Variants in SNTG1 observed in about 807,000 individuals in gnomAD.
SNTG1 encodes the protein gamma-1-syntrophin.
SNTG1 carries 39 observed loss-of-function variants against 74.7 expected under a neutral mutation model. The observed-to-expected ratio is 0.52, with a 90% CI of 0.40 to 0.68. SNTG1 has a LOEUF of 0.68. Among genes scored for constraint, SNTG1 ranks in the 30% least tolerant of loss-of-function variants. The pLI, the probability that SNTG1 is intolerant of heterozygous loss-of-function variation, is 0.00. For synonymous variants in SNTG1, 254 were observed against 217.1 expected, an observed-to-expected ratio of 1.17 and a Z score of -1.49; for missense variants, 685 against 609.5, an observed-to-expected ratio of 1.12 and a Z score of -1.30.
rs371835016 is a variant in SNTG1 at position 50,204,156 on chromosome 8, T to A, written c.-28+31521T>A. On this transcript the variant is annotated intron_variant, in intron 2 of 18. Coordinates refer to ENST00000642720, the MANE Select transcript of SNTG1 (RefSeq NM_018967.5). ...CCTCAAGTTTTGGTGGCTAAGAGAC[T>A]AGCCATCTACCTTACAGCCCTCCGA... is the stretch of plus-strand genomic sequence containing the variant. 1.1e-4 allele frequency among the ~76,000 whole-genome samples: 17 copies of A among 152,270 alleles called. No homozygotes were observed. In the East Asian group the frequency reaches 1.7e-3, roughly 16 times the overall value.
chr8:50,331,968 A>T (rs1007335406), intron 2 of SNTG1, among the ~76,000 whole-genome samples: 3 of 152,180 alleles, frequency 2.0e-5, no homozygotes, highest in African/African-American at 7.2e-5. Flanking sequence ...CAGATGGCAA[A>T]TTTTTGTTTT....
chr8:50,779,871 T>C (rs376962125), intron 18 of SNTG1, among the ~76,000 whole-genome samples: 2 of 151,608 alleles, frequency 1.3e-5, no homozygotes, highest in African/African-American at 4.9e-5. Context: ...TTTTGAGATA[T>C]GTCCCATCAA....
intron 15 of SNTG1, among the ~76,000 whole-genome samples, chr8:50,682,070 C>T (rs573498850): frequency 1.1e-3 from 174 of 152,204 alleles, no homozygotes; most frequent in South Asian, 2.3e-3. Flanking sequence ...TTCCTTGGTA[C>T]CAAAAAGAAG....
rs1267072415 is a variant in SNTG1, at chr8:49,938,567, C to CTT, written c.-103+26339_-103+26340dup. Reference sequence around the variant, plus strand: ...GCCTTCTTTTCTTTTGTTTTCTTTTCTTTTCTTTTCTTTTCTTTTCTTTTC... The same window carrying CTT: ...GCCTTCTTTTCTTTTGTTTTCTTTTCTTTTTTCTTTTCTTTTCTTTTCTTTTC... On this transcript the variant is annotated intron_variant, in intron 1 of 18. Transcript: ENST00000642720. 4.2e-4 allele frequency among the ~76,000 whole-genome samples: 12 copies of CTT among 28,884 alleles called. No homozygotes were observed. In the South Asian group the frequency reaches 0.029, roughly 70 times the overall value. The allele number at this position is 28,884 out of a possible 152,430, so 18.9% of individuals were successfully genotyped here.
chr8:50,216,029 G>A (rs1359883719), intron 2 of SNTG1, among the ~76,000 whole-genome samples: 1 of 152,070 alleles, frequency 6.6e-6, no homozygotes, highest in Non-Finnish European at 1.5e-5. Context: ...TCTCACTCAG[G>A]AGCATGGCTC....
At chr8:49,912,566 T>C (rs1221939357) in intron 1 of SNTG1, among the ~76,000 whole-genome samples, 1 of 152,234 alleles carries the variant, frequency 6.6e-6, no homozygotes, top group Non-Finnish European at 1.5e-5. Flanking sequence ...CCATAAAAAG[T>C]GATCCTGTCT....
chr8:50,161,081 C>T (rs2082400349), intron 1 of SNTG1, among the ~76,000 whole-genome samples: 1 of 152,106 alleles, frequency 6.6e-6, no homozygotes, highest in African/African-American at 2.4e-5. Context: ...TCATTAAGGA[C>T]AGTGAATATT....
chr8:50,523,154 A>C (rs2094193840), intron 9 of SNTG1, among the ~76,000 whole-genome samples: 1 of 152,108 alleles, frequency 6.6e-6, no homozygotes, highest in African/African-American at 2.4e-5. Context: ...TATAGAATTG[A>C]AGAGAGTTAG....
intron 18 of SNTG1, among the ~76,000 whole-genome samples, chr8:50,787,942 T>C (rs1206567196): frequency 6.6e-6 from 1 of 152,030 alleles, no homozygotes; most frequent in African/African-American, 2.4e-5. Context: ...CTGTGAATAT[T>C]CTAAAATCCG....
At chr8:50,317,054 G>A (rs1362059844) in intron 2 of SNTG1, among the ~76,000 whole-genome samples, 1 of 152,174 alleles carries the variant, frequency 6.6e-6, no homozygotes, top group Admixed American at 6.5e-5. Context: ...TGAAGCCCAA[G>A]ATAAATGGGG....
chr8:50,030,640 A>G (rs1817664362), intron 1 of SNTG1, among the ~76,000 whole-genome samples: 1 of 152,018 alleles, frequency 6.6e-6, no homozygotes, highest in Non-Finnish European at 1.5e-5. Context: ...CTCTCTTGCT[A>G]GGCATTAGAT....
At chr8:50,665,720 A>G (rs1316519905) in intron 15 of SNTG1, among the ~76,000 whole-genome samples, 1 of 152,134 alleles carries the variant, frequency 6.6e-6, no homozygotes, top group Non-Finnish European at 1.5e-5. Context: ...CTATTGGGCA[A>G]ATTCGGGACA....
chr8:50,179,229 G>A (rs4873418), intron 2 of SNTG1, among the ~76,000 whole-genome samples: 44,980 of 151,928 alleles, frequency 0.3, 6,753 homozygotes, highest in South Asian at 0.43. Context: ...GTAATTTGAA[G>A]TCAGGAAATA....
chr8:50,123,826 G>T (rs532030739), intron 1 of SNTG1, among the ~76,000 whole-genome samples: 1 of 142,526 alleles, frequency 7.0e-6, no homozygotes, highest in Admixed American at 7.2e-5. Flanking sequence ...ACACATCTTT[G>T]CTTTCTTAAG....
At chr8:50,634,757 T>C (rs1046010903) in intron 13 of SNTG1, among the ~76,000 whole-genome samples, 3 of 152,206 alleles carry the variant, frequency 2.0e-5, no homozygotes, top group African/African-American at 7.2e-5. Context: ...TTTAGGCTCA[T>C]ATATCCACCA....
intron 4 of SNTG1, among the ~76,000 whole-genome samples, chr8:50,413,928 T>G (rs771909109): frequency 1.7e-4 from 26 of 152,220 alleles, no homozygotes; most frequent in Non-Finnish European, 3.4e-4. Flanking sequence ...TATTTTATAT[T>G]TGCCTCATAG....
At chr8:50,707,713 C>CTCTT (rs138864247) in intron 16 of SNTG1, among the ~76,000 whole-genome samples, 50,734 of 151,664 alleles carry the variant, frequency 0.33, 10,995 homozygotes, top group African/African-American at 0.62. Context: ...CTCTCTTTGT[C>CTCTT]TCTATTTCTC....
intron 1 of SNTG1, among the ~76,000 whole-genome samples, chr8:50,036,487 C>T (rs1014930806): frequency 3.9e-5 from 6 of 152,124 alleles, no homozygotes; most frequent in East Asian, 1.9e-4. Flanking sequence ...AATAAGTTAT[C>T]CTCAGAAATA....
At chr8:50,690,929 C>T (rs996649925) in intron 15 of SNTG1, among the ~76,000 whole-genome samples, 15 of 152,130 alleles carry the variant, frequency 9.9e-5, no homozygotes, top group Non-Finnish European at 2.2e-4. Context: ...AATCTGGGTG[C>T]TCCTGTATTG....
Sources: allele counts gnomAD v4.1 joint callset (sites outside exome capture counted in the v4.1 genomes callset), GRCh38; gene constraint gnomAD v4.1.1; transcripts MANE v1.5; gene names NCBI Gene and HGNC (gene_info 2026-07-23, HGNC 2026-07-21).